SDCCAG8: variants seen among roughly 807,000 people sequenced by gnomAD.
The protein encoded by SDCCAG8 is SHH signaling and ciliogenesis regulator SDCCAG8, also known as serologically defined colon cancer antigen 8.
SDCCAG8 carries 74 observed loss-of-function variants against 101.8 expected under a neutral mutation model. The ratio of observed to expected loss-of-function variants is 0.73; its 90% CI spans 0.60 to 0.88. The LOEUF (loss-of-function observed/expected upper bound fraction) is 0.88. Ranked by LOEUF, SDCCAG8 falls within the 40% of genes least tolerant of loss-of-function variation. SDCCAG8 has a pLI of 0.00. For missense variants in SDCCAG8, 787 were observed against 822.6 expected, an observed-to-expected ratio of 0.96 and a Z score of 0.53; for synonymous variants, 281 against 292.9, an observed-to-expected ratio of 0.96 and a Z score of 0.41.
intron 16 of SDCCAG8, among the ~76,000 whole-genome samples, chr1:243,462,454 C>T (rs1242325579): frequency 6.6e-6 from 1 of 152,240 alleles, no homozygotes; most frequent in Non-Finnish European, 1.5e-5. Flanking sequence ...AGGTTTCCCT[C>T]CTAACACTGT....
chr1:243,266,423 T>A (rs1407671814), intron 1 of SDCCAG8, among the ~76,000 whole-genome samples: 2 of 151,640 alleles, frequency 1.3e-5, no homozygotes, highest in Non-Finnish European at 2.9e-5. Context: ...TTCAAGCAAC[T>A]CTGTTGCCTC....
rs757829748 is a variant in SDCCAG8, at chr1:243,307,993, G to A, written c.745G>A (p.Asp249Asn). The change falls in exon 8 of 18, where the codon GAC (aspartate) becomes AAC (asparagine). Residue 249 changes from aspartate to asparagine, a missense_variant. By Grantham distance (23) the Asp-to-Asn change is conservative. Transcript: ENST00000366541. ...ATTTTTTCACCCTCTTTTTAGGAAC[G>A]ACTTAGCTGAATATCAGAGAACTTG... is the stretch of plus-strand genomic sequence containing the variant. ...EESQLKFLRN[D>N]LAEYQRTCED... The A allele has an allele frequency of 3.1e-6, 5 of 1,613,694 alleles. No homozygotes were observed. Among genetic ancestry groups the A allele is most frequent in the Non-Finnish European group, 2.5e-6 (3 of 1,179,950 alleles).
intron 1 of SDCCAG8, 46 bp downstream of exon 1, chr1:243,256,286 C>A: frequency 6.5e-7 from 1 of 1,538,608 alleles, no homozygotes; most frequent in Non-Finnish European, 9.0e-7. Flanking sequence ...GTGCCCAGGG[C>A]CTAGTGGGCG....
At chr1:243,292,234 C>T (rs911380830) in intron 5 of SDCCAG8, among the ~76,000 whole-genome samples, 2 of 152,172 alleles carry the variant, frequency 1.3e-5, no homozygotes, top group African/African-American at 2.4e-5. Context: ...TTAAGTCAAT[C>T]TCCAGTCCTT....
At chr1:243,344,395 ATGT>A (rs1301884625) in intron 12 of SDCCAG8, 64 bp downstream of exon 12, 3 of 1,101,776 alleles carry the variant, frequency 2.7e-6, no homozygotes, top group Non-Finnish European at 4.2e-6. Context: ...TCTCAAGTTG[ATGT>A]TGTTTTATTC....
chr1:243,299,574 C>G (rs1187132828), intron 6 of SDCCAG8, among the ~76,000 whole-genome samples: 1 of 152,034 alleles, frequency 6.6e-6, no homozygotes, highest in East Asian at 1.9e-4. Flanking sequence ...CCACCACACT[C>G]GACTAATTTT....
intron 9 of SDCCAG8, among the ~76,000 whole-genome samples, chr1:243,320,801 A>T (rs1055098805): frequency 6.6e-6 from 1 of 152,158 alleles, no homozygotes; most frequent in African/African-American, 2.4e-5. Context: ...TGGTGGTGAT[A>T]ACCCTGCTGA....
chr1:243,270,198 C>T lies in SDCCAG8; in HGVS notation c.161C>T (p.Thr54Ile), dbSNP rs769624417. 12 of 1,614,010 alleles carry T rather than the reference C, an allele frequency of 7.4e-6. No homozygotes were observed. Among genetic ancestry groups the T allele is most frequent in the East Asian group, 6.7e-5 (3 of 44,886 alleles). The change falls in exon 2 of 18, where the codon ACC becomes ATC. Residue 54 changes from threonine (T) to isoleucine (I), a missense_variant. Physicochemically the swap from Thr to Ile is moderately conservative, Grantham distance 89. Transcript: ENST00000366541. ...GEDAPNLSFS[T>I]SVGNEDARTA... ...GATGCACCAAATCTTTCTTTTAGCA[C>T]CAGTGTGGGAAATGAGGACGCCAGG...
At position 243,304,870 on chromosome 1, in the gene SDCCAG8, A is replaced by T. The variant is rs75458168; in HGVS notation, c.740+93A>T. On this transcript the variant is annotated intron_variant, in intron 7 of 17. Transcript: ENST00000366541. Reference sequence around the variant, plus strand: ...TGCTGAACTTCTAGTTTTAGTCATTATCAGACTTACTTGATGACATTTTAA... The same window carrying T: ...TGCTGAACTTCTAGTTTTAGTCATTTTCAGACTTACTTGATGACATTTTAA... 4,090 of 824,768 alleles carry T rather than the reference A, an allele frequency of 5.0e-3. 122 individuals are homozygous for T. In the African/African-American group the frequency reaches 0.06, roughly 12 times the overall value. 51.1% of individuals were successfully genotyped at this position (824,768 alleles called of 1,614,324 possible).
At chr1:243,431,224 A>G (rs568835940) in intron 16 of SDCCAG8, among the ~76,000 whole-genome samples, 104 of 152,326 alleles carry the variant, frequency 6.8e-4, no homozygotes, top group African/African-American at 2.4e-3. Context: ...AAAAACGATT[A>G]GGGAGTTTTT....
chr1:243,399,598 C>G (rs921100571), intron 13 of SDCCAG8, among the ~76,000 whole-genome samples: 8 of 152,054 alleles, frequency 5.3e-5, no homozygotes, highest in Non-Finnish European at 7.4e-5. Context: ...CCTCCGCCTC[C>G]CGGGTTCAAG....
At chr1:243,448,819 T>A (rs1179935365) in intron 16 of SDCCAG8, among the ~76,000 whole-genome samples, 2 of 152,260 alleles carry the variant, frequency 1.3e-5, no homozygotes, top group Admixed American at 1.3e-4. Flanking sequence ...TCCTGGCCCT[T>A]AGAAGGCATT....
intron 9 of SDCCAG8, among the ~76,000 whole-genome samples, chr1:243,319,029 C>A (rs2073516386): frequency 6.6e-6 from 1 of 152,152 alleles, no homozygotes; most frequent in African/African-American, 2.4e-5. Context: ...GGTAAGGCCT[C>A]AGGAAGATTT....
chr1:243,321,262 T>C (rs1411026464), intron 9 of SDCCAG8, among the ~76,000 whole-genome samples: 1 of 152,192 alleles, frequency 6.6e-6, no homozygotes, highest in Non-Finnish European at 1.5e-5. Flanking sequence ...CATTAAACTT[T>C]TAAAAAAATA....
At chr1:243,487,002 G>C (rs983168146) in intron 16 of SDCCAG8, among the ~76,000 whole-genome samples, 2 of 152,184 alleles carry the variant, frequency 1.3e-5, no homozygotes, top group Admixed American at 1.3e-4. Context: ...AGCCACCTTA[G>C]GGTTCCAGAG....
intron 7 of SDCCAG8, chr1:243,306,490 ATAATT>A (rs1222170720): frequency 6.6e-6 from 1 of 152,160 alleles, no homozygotes; most frequent in African/African-American, 2.4e-5. Context: ...TTCTTTTACT[ATAATT>A]TAAGATTATT....
intron 4 of SDCCAG8, among the ~76,000 whole-genome samples, chr1:243,283,532 C>T (rs531043410): frequency 6.6e-6 from 1 of 151,358 alleles, no homozygotes; most frequent in African/African-American, 2.4e-5. Context: ...TTCTTATTGA[C>T]AATTCTTAAA....
chr1:243,372,621 A>T (rs2077356441), intron 12 of SDCCAG8, among the ~76,000 whole-genome samples: 1 of 151,966 alleles, frequency 6.6e-6, no homozygotes, highest in Non-Finnish European at 1.5e-5. Context: ...TATTTTAATT[A>T]TCTGAAATAC....
chr1:243,276,455 T>C (rs898539749), intron 4 of SDCCAG8, among the ~76,000 whole-genome samples: 2 of 152,126 alleles, frequency 1.3e-5, no homozygotes. Context: ...TTTAGAAAGA[T>C]TTTGTTTATT....
Sources: allele counts gnomAD v4.1 joint callset (sites outside exome capture counted in the v4.1 genomes callset), GRCh38; gene constraint gnomAD v4.1.1; transcripts MANE v1.5; gene names NCBI Gene and HGNC (gene_info 2026-07-23, HGNC 2026-07-21).